Variants in CACNG3 observed in about 807,000 individuals in gnomAD.
CACNG3 encodes the protein voltage-dependent calcium channel gamma-3 subunit.
Under a neutral mutation model 28.5 loss-of-function variants are expected in CACNG3, and 3 were observed. The observed-to-expected ratio is 0.11, with a 90% CI of 0.05 to 0.27. CACNG3 has a LOEUF of 0.27. Among genes scored for constraint, CACNG3 ranks in the 10% least tolerant of loss-of-function variants. CACNG3 has a pLI of 1.00. For synonymous variants in CACNG3, 174 were observed against 162.2 expected, an observed-to-expected ratio of 1.07 and a Z score of -0.55; for missense variants, 236 against 414.4, an observed-to-expected ratio of 0.57 and a Z score of 3.74.
intron 1 of CACNG3, among the ~76,000 whole-genome samples, chr16:24,344,100 C>A (rs1262240346): frequency 6.6e-6 from 1 of 151,936 alleles, no homozygotes; most frequent in Non-Finnish European, 1.5e-5. Flanking sequence ...TAACATTAGG[C>A]ACCTCATAAA....
intron 2 of CACNG3, among the ~76,000 whole-genome samples, chr16:24,347,869 T>C (rs1899890355): frequency 6.6e-6 from 1 of 152,220 alleles, no homozygotes; most frequent in African/African-American, 2.4e-5. Flanking sequence ...TTCCTACCTT[T>C]CTTCATTTTT....
chr16:24,274,373 A>T (rs1332025712), intron 1 of CACNG3, among the ~76,000 whole-genome samples: 2 of 152,056 alleles, frequency 1.3e-5, no homozygotes, highest in Non-Finnish European at 2.9e-5. Flanking sequence ...ATGGGTACTT[A>T]ATATTTGTTC....
chr16:24,291,978 T>C (rs1230296152), intron 1 of CACNG3, among the ~76,000 whole-genome samples: 2 of 152,030 alleles, frequency 1.3e-5, no homozygotes, highest in African/African-American at 4.8e-5. Context: ...GGAGCAACTT[T>C]GTTTTAGGAT....
In CACNG3 at chr16:24,361,252, C is replaced by T. The variant is rs1156446215; in HGVS notation, c.437-100C>T. ...CCAGCTATAATCCATTCTCCTCTCT[C>T]CCCATTACCTCCACATTTTCTATAA... is the stretch of plus-strand genomic sequence containing the variant. On this transcript the variant is annotated intron_variant, in intron 3 of 3. Coordinates refer to ENST00000005284, the MANE Select transcript of CACNG3 (RefSeq NM_006539.4). This position sits in a 1 kb window ranked among gnomAD's most constrained non-coding sequence, Gnocchi z 6.8. 3 of 952,820 alleles carry T rather than the reference C, an allele frequency of 3.1e-6. No individual in the cohort carries two copies. The highest frequency in any genetic ancestry group is 4.8e-6 in the Non-Finnish European group (3 of 622,988). 59.0% of individuals were successfully genotyped at this position (952,820 alleles called of 1,614,324 possible).
At chr16:24,349,474 G>A (rs1899912839) in intron 2 of CACNG3, among the ~76,000 whole-genome samples, 1 of 152,192 alleles carries the variant, frequency 6.6e-6, no homozygotes, top group African/African-American at 2.4e-5. Flanking sequence ...TTGATTAATG[G>A]TAAACAGGAG....
At chr16:24,343,065 T>C (rs1322264643) in intron 1 of CACNG3, among the ~76,000 whole-genome samples, 1 of 152,122 alleles carries the variant, frequency 6.6e-6, no homozygotes, top group Non-Finnish European at 1.5e-5. Context: ...GGTGCATGCC[T>C]GTAGTCCCAG....
chr16:24,301,481 G>A (rs1386571161), intron 1 of CACNG3, among the ~76,000 whole-genome samples: 1 of 152,168 alleles, frequency 6.6e-6, no homozygotes, highest in Non-Finnish European at 1.5e-5. Context: ...AGGCGTATGC[G>A]GTGTTGGGAG....
chr16:24,333,708 G>A (rs1899662960), intron 1 of CACNG3, among the ~76,000 whole-genome samples: 1 of 152,134 alleles, frequency 6.6e-6, no homozygotes. Context: ...CGGGTATGGT[G>A]GCGTGCACCT....
intron 1 of CACNG3, among the ~76,000 whole-genome samples, chr16:24,341,103 T>G (rs1899780617): frequency 6.6e-6 from 1 of 152,220 alleles, no homozygotes; most frequent in South Asian, 2.1e-4. Flanking sequence ...GGGAGGATAC[T>G]CCTAAGAAAA....
intron 1 of CACNG3, among the ~76,000 whole-genome samples, chr16:24,298,468 T>G (rs1486463692): frequency 6.6e-6 from 1 of 152,212 alleles, no homozygotes; most frequent in Non-Finnish European, 1.5e-5. Flanking sequence ...CTGAAATTAT[T>G]GAGTCAGAAG....
At chr16:24,315,139 A>T (rs1899331195) in intron 1 of CACNG3, among the ~76,000 whole-genome samples, 1 of 152,124 alleles carries the variant, frequency 6.6e-6, no homozygotes, top group Non-Finnish European at 1.5e-5. Context: ...AATGCCTCTC[A>T]GAATTATTTT....
At chr16:24,319,467 T>A (rs1899427862) in intron 1 of CACNG3, among the ~76,000 whole-genome samples, 1 of 152,192 alleles carries the variant, frequency 6.6e-6, no homozygotes, top group Admixed American at 6.5e-5. Context: ...TTATGGTTTT[T>A]GCAAGAGAAG....
chr16:24,290,921 C>T (rs1038439340), intron 1 of CACNG3, among the ~76,000 whole-genome samples: 4 of 152,092 alleles, frequency 2.6e-5, no homozygotes, highest in Admixed American at 2.0e-4. Context: ...GATGATGTGT[C>T]ACATAATAAA....
At chr16:24,296,603 C>G (rs974016223) in intron 1 of CACNG3, among the ~76,000 whole-genome samples, 3 of 152,176 alleles carry the variant, frequency 2.0e-5, no homozygotes, top group Non-Finnish European at 4.4e-5. Context: ...GTAATACTTT[C>G]TTCCCCCTCT....
intron 1 of CACNG3, among the ~76,000 whole-genome samples, chr16:24,328,782 T>G (rs966570393): frequency 1.3e-5 from 2 of 152,094 alleles, no homozygotes; most frequent in Non-Finnish European, 2.9e-5. Context: ...TACTCACCAG[T>G]GCACCCACAC....
At chr16:24,266,976 T>C (rs1898618186) in intron 1 of CACNG3, among the ~76,000 whole-genome samples, 1 of 150,954 alleles carries the variant, frequency 6.6e-6, no homozygotes, top group Non-Finnish European at 1.5e-5. Flanking sequence ...TTCTTTTTTT[T>C]TTTTTTTTGA....
rs61446870 is a variant in CACNG3 at position 24,270,354 on chromosome 16, C to T, written c.211+13389C>T. 2.9e-3 allele frequency among the ~76,000 whole-genome samples: 442 copies of T among 152,284 alleles called. 9 individuals carry two copies. In the East Asian group the frequency reaches 0.068, roughly 23 times the overall value. On this transcript the variant is annotated intron_variant, in intron 1 of 3. Transcript: ENST00000005284. ...ATTAGCTGTTTATTAGCTTAACGTG[C>T]CCTAAAATATGTATTACCAAGTAAG...
intron 2 of CACNG3, among the ~76,000 whole-genome samples, chr16:24,349,669 C>A (rs930322501): frequency 3.3e-5 from 5 of 152,176 alleles, no homozygotes; most frequent in East Asian, 1.9e-4. Flanking sequence ...GCAGTGAGGA[C>A]GACCAGAGGT....
intron 1 of CACNG3, among the ~76,000 whole-genome samples, chr16:24,327,623 AAAAACAAAAAC>A (rs546437852): frequency 1.9e-3 from 290 of 149,902 alleles, no homozygotes; most frequent in African/African-American, 6.7e-3. Context: ...CTGTCTCAAA[AAAAACAAAAAC>A]AAAACAAAAC....
Sources: allele counts gnomAD v4.1 joint callset (sites outside exome capture counted in the v4.1 genomes callset), GRCh38; gene constraint gnomAD v4.1.1; non-coding constraint Gnocchi (gnomAD v3.1); transcripts MANE v1.5; gene names NCBI Gene and HGNC (gene_info 2026-07-23, HGNC 2026-07-21).